The following KLHL29 variants were observed in gnomAD, a reference collection of about 807,000 sequenced individuals.
KLHL29 encodes the protein kelch-like protein 29.
Under a neutral mutation model 80.4 loss-of-function variants are expected in KLHL29, and 21 were observed. The observed-to-expected ratio is 0.26, with a 90% CI of 0.19 to 0.38. The LOEUF is 0.38. Among genes scored for constraint, KLHL29 ranks in the 10% least tolerant of loss-of-function variants. The pLI is 1.00. For missense variants in KLHL29, 867 were observed against 1,223.9 expected, an observed-to-expected ratio of 0.71 and a Z score of 4.35; for synonymous variants, 511 against 526.8, an observed-to-expected ratio of 0.97 and a Z score of 0.41.
chr2:23,435,506 C>T (rs1178510105), intron 1 of KLHL29, among the ~76,000 whole-genome samples: 3 of 152,120 alleles, frequency 2.0e-5, no homozygotes, highest in Admixed American at 1.3e-4. Flanking sequence ...ACAAAGAATC[C>T]ACAGGGCTGG....
intron 2 of KLHL29, among the ~76,000 whole-genome samples, chr2:23,485,427 A>G (rs1664908913): frequency 6.6e-6 from 1 of 152,216 alleles, no homozygotes; most frequent in Non-Finnish European, 1.5e-5. Flanking sequence ...ACAGCTGCCC[A>G]TGTTAGGGCA....
intron 3 of KLHL29, among the ~76,000 whole-genome samples, chr2:23,587,404 A>G (rs984037581): frequency 3.3e-5 from 5 of 152,128 alleles, no homozygotes; most frequent in African/African-American, 1.2e-4. Flanking sequence ...AGAATCAATG[A>G]TTTTGCCTTA....
intron 2 of KLHL29, among the ~76,000 whole-genome samples, chr2:23,540,084 A>G (rs931459860): frequency 1.3e-5 from 2 of 151,952 alleles, no homozygotes; most frequent in East Asian, 1.9e-4. Flanking sequence ...CCCCTGCCCC[A>G]TGTTAGACCC....
At chr2:23,428,949 G>T (rs1460928632) in intron 1 of KLHL29, among the ~76,000 whole-genome samples, 1 of 152,214 alleles carries the variant, frequency 6.6e-6, no homozygotes, top group African/African-American at 2.4e-5. Flanking sequence ...GGTTAAGCGA[G>T]GCTGGACTCT....
chr2:23,646,701 T>C (rs627973), intron 5 of KLHL29, among the ~76,000 whole-genome samples: 59,872 of 152,038 alleles, frequency 0.39, 13,340 homozygotes, highest in African/African-American at 0.6. Flanking sequence ...GGCACTGGAC[T>C]TCCACCTCAT....
At chr2:23,490,886 G>T (rs915539595) in intron 2 of KLHL29, among the ~76,000 whole-genome samples, 3 of 152,146 alleles carry the variant, frequency 2.0e-5, no homozygotes, top group Non-Finnish European at 2.9e-5. Context: ...CAGCTGTGGT[G>T]GTCCAGGAGG....
chr2:23,636,700 G>T (rs1669620492), intron 3 of KLHL29, among the ~76,000 whole-genome samples: 1 of 152,234 alleles, frequency 6.6e-6, no homozygotes, highest in African/African-American at 2.4e-5. Context: ...TACAGCAGAA[G>T]AAACAAACTA....
At chr2:23,621,229 C>T (rs1357336970) in intron 3 of KLHL29, among the ~76,000 whole-genome samples, 5 of 152,230 alleles carry the variant, frequency 3.3e-5, no homozygotes, top group African/African-American at 1.2e-4. Flanking sequence ...CCCCAGGTCC[C>T]ACCCACAGCC....
At chr2:23,524,174 T>G (rs1666208288) in intron 2 of KLHL29, 2 of 402,024 alleles carry the variant, frequency 5.0e-6, no homozygotes, top group African/African-American at 4.1e-5. Flanking sequence ...GGGGGATGAC[T>G]TGCTCAGTGC....
rs1467601100 is a variant in KLHL29, at chr2:23,695,813, T to A, written c.1733T>A (p.Leu578His). 6.5e-7 allele frequency: 1 copy of A among 1,548,490 alleles called. No homozygotes were observed. The highest frequency in any genetic ancestry group is 2.0e-5 in the Admixed American group (1 of 50,840). ...CAGACGCCCCGAACCCGGCCGCGCCTCTCTGCAGGTATGAAGGGGCACGCC... is the reference window on the plus strand; with the variant it reads ...CAGACGCCCCGAACCCGGCCGCGCCACTCTGCAGGTATGAAGGGGCACGCC... ...EMQTPRTRPR[L>H]SAGVAEVIVL... Residue 578 changes from leucine to histidine, a missense_variant, in exon 9 of 14, where the codon CTC becomes CAC. Physicochemically the swap from Leu to His is moderately conservative, Grantham distance 99. This residue lies in a region of KLHL29 where 443 missense variants were observed against 767.0 expected (regional missense o/e 0.58). Transcript: ENST00000486442. This position sits in a 1 kb window ranked among gnomAD's most constrained non-coding sequence, Gnocchi z 7.6.
chr2:23,697,234 GTGCTTCCGGA>G (rs1444657981), intron 11 of KLHL29: 1 of 152,264 alleles, frequency 6.6e-6, no homozygotes, highest in Non-Finnish European at 1.5e-5. Context: ...GCTGAAGTGG[GTGCTTCCGGA>G]TGAGAATACA....
At chr2:23,547,550 C>G (rs907880695) in intron 2 of KLHL29, among the ~76,000 whole-genome samples, 1 of 151,996 alleles carries the variant, frequency 6.6e-6, no homozygotes, top group East Asian at 1.9e-4. Context: ...AGCCAGCACA[C>G]AGTAAGTGCC....
At chr2:23,442,571 C>T (rs1045025828) in intron 1 of KLHL29, among the ~76,000 whole-genome samples, 5 of 152,176 alleles carry the variant, frequency 3.3e-5, no homozygotes, top group Admixed American at 6.5e-5. Flanking sequence ...ATGGGCCTTC[C>T]CCGGAGCCTC....
intron 1 of KLHL29, among the ~76,000 whole-genome samples, chr2:23,412,298 C>G (rs1666885145): frequency 6.6e-6 from 1 of 152,076 alleles, no homozygotes; most frequent in Non-Finnish European, 1.5e-5. Flanking sequence ...CTAATACAAA[C>G]AAGTTCATGC....
At chr2:23,591,714 C>G (rs1384870850) in intron 3 of KLHL29, among the ~76,000 whole-genome samples, 1 of 152,166 alleles carries the variant, frequency 6.6e-6, no homozygotes, top group African/African-American at 2.4e-5. Context: ...GCACTCCATC[C>G]TGTCCCTCCA....
chr2:23,639,482 A>G (rs1394548678), intron 4 of KLHL29, among the ~76,000 whole-genome samples: 1 of 152,166 alleles, frequency 6.6e-6, no homozygotes, highest in Non-Finnish European at 1.5e-5. Flanking sequence ...CTGCTACTCA[A>G]GGACTCCAGA....
chr2:23,650,074 A>T (rs1409944260), intron 5 of KLHL29, among the ~76,000 whole-genome samples: 4 of 152,208 alleles, frequency 2.6e-5, no homozygotes, highest in African/African-American at 7.2e-5. Context: ...TGCCAACTGC[A>T]TGCCCCACGT....
intron 3 of KLHL29, among the ~76,000 whole-genome samples, chr2:23,564,232 T>G (rs1394789566): frequency 6.6e-6 from 1 of 152,220 alleles, no homozygotes; most frequent in Non-Finnish European, 1.5e-5. Flanking sequence ...AGGGCTGTGC[T>G]GCCTGCAGAG....
At chr2:23,492,211 G>T (rs1415510069) in intron 2 of KLHL29, among the ~76,000 whole-genome samples, 3 of 152,148 alleles carry the variant, frequency 2.0e-5, no homozygotes, top group Admixed American at 6.5e-5. Flanking sequence ...CTTCCACATG[G>T]TCTCCTCCAC....
Sources: allele counts gnomAD v4.1 joint callset (sites outside exome capture counted in the v4.1 genomes callset), GRCh38; gene constraint gnomAD v4.1.1; regional missense constraint gnomAD v4.1.1; non-coding constraint Gnocchi (gnomAD v3.1); transcripts MANE v1.5; gene names NCBI Gene and HGNC (gene_info 2026-07-23, HGNC 2026-07-21).